Variants in ADSL observed in about 807,000 individuals in gnomAD.
ADSL encodes adenylosuccinase.
Under a neutral mutation model 62.1 loss-of-function variants are expected in ADSL, and 44 were observed. The observed-to-expected ratio is 0.71, with a 90% confidence interval of 0.56 to 0.91. The LOEUF is 0.91. Among genes scored for constraint, ADSL ranks in the 40% least tolerant of loss-of-function variants. The pLI, the probability that ADSL is intolerant of heterozygous loss-of-function variation, is 0.00. For missense variants in ADSL, 531 were observed against 627.4 expected, an observed-to-expected ratio of 0.85 and a Z score of 1.64; for synonymous variants, 198 against 220.5, an observed-to-expected ratio of 0.90 and a Z score of 0.90.
At chr22:40,356,215 AAAAG>A (rs752432201) in intron 4 of ADSL, among the ~76,000 whole-genome samples, 13 of 145,816 alleles carry the variant, frequency 8.9e-5, no homozygotes, top group Non-Finnish European at 1.6e-4. Context: ...AAAAAAAAAG[AAAAG>A]AAAGAAAGAA....
intron 9 of ADSL, among the ~76,000 whole-genome samples, chr22:40,362,286 T>G (rs1395358090): frequency 6.6e-6 from 1 of 152,226 alleles, no homozygotes; most frequent in Non-Finnish European, 1.5e-5. Context: ...TGGATACGGA[T>G]GTATAGTTAA....
chr22:40,368,066 T>C lies in ADSL; in HGVS notation c.*1544T>C, dbSNP rs751157422. On this transcript the variant is annotated 3_prime_UTR_variant, in exon 13 of 13. Coordinates refer to ENST00000623063, the MANE Select transcript of ADSL (RefSeq NM_000026.4). ...GGAGAGCCAACCTCCAAAAAGATCTTGTGGTGGAGGAATGTTAGGGCTCTT... is the reference window on the plus strand; with the variant it reads ...GGAGAGCCAACCTCCAAAAAGATCTCGTGGTGGAGGAATGTTAGGGCTCTT... 6.6e-6 allele frequency: 1 copy of C among 152,200 alleles called. No homozygotes were observed. The highest frequency in any genetic ancestry group is 2.4e-5 in the African/African-American group (1 of 41,442). 9.4% of individuals were successfully genotyped at this position (152,200 alleles called of 1,614,324 possible). A position where few individuals can be genotyped will look rare whatever the true frequency, so the allele number is the denominator to read the frequency against.
chr22:40,362,613 T>C (rs1384523973), intron 9 of ADSL, among the ~76,000 whole-genome samples: 1 of 151,444 alleles, frequency 6.6e-6, no homozygotes, highest in Non-Finnish European at 1.5e-5. Flanking sequence ...TTGACCGGAG[T>C]GAGTATAAAG....
downstream of ADSL, among the ~76,000 whole-genome samples, chr22:40,372,293 AT>A (rs1283497486): frequency 6.6e-6 from 1 of 151,268 alleles, no homozygotes; most frequent in East Asian, 2.0e-4. Context: ...CACCCGGATA[AT>A]TTTTTGTATT....
chr22:40,384,269 A>T (rs1421760261), intron 2 of ADSL, among the ~76,000 whole-genome samples: 1 of 152,166 alleles, frequency 6.6e-6, no homozygotes, highest in Non-Finnish European at 1.5e-5. Flanking sequence ...GACAAAAAAA[A>T]AGGAGCCAAA....
At chr22:40,357,228 T>C (rs2044598033) in intron 4 of ADSL, among the ~76,000 whole-genome samples, 1 of 151,014 alleles carries the variant, frequency 6.6e-6, no homozygotes, top group African/African-American at 2.4e-5. Context: ...GAAACAGACC[T>C]TCAGTGGCTT....
intron 6 of ADSL, among the ~76,000 whole-genome samples, chr22:40,359,799 A>G (rs578139931): frequency 2.0e-5 from 3 of 152,176 alleles, no homozygotes; most frequent in Non-Finnish European, 4.4e-5. Context: ...TCAAAGTGCT[A>G]GGATTATAGG....
intron 5 of ADSL, 86 bp from the exon 6 acceptor site, chr22:40,359,174 G>T: frequency 6.3e-7 from 1 of 1,583,176 alleles, no homozygotes; most frequent in South Asian, 1.1e-5. Context: ...GGGGGTTAGG[G>T]AGCGAGACCT....
At position 40,380,385 on chromosome 22, in the gene ADSL, G is replaced by A. The variant is rs568548978; in HGVS notation, c.90-9845G>A. 2.6e-3 allele frequency among the ~76,000 whole-genome samples: 266 copies of A among 102,474 alleles called. 1 individual carries two copies. The highest frequency in any genetic ancestry group is 4.9e-3 in the Admixed American group (42 of 8,588). 67.2% of individuals were successfully genotyped at this position (102,474 alleles called of 152,430 possible). The stretch of plus-strand genomic sequence containing the variant: ...TATAATTTTTTTTTTTTTTTTTCCT[G>A]AGACAGGGTCTCACTCTGTCACCCA... On this transcript the variant is annotated intron_variant, in intron 2 of 2. Coordinates refer to the ADSL transcript ENST00000498234.
rs570622347 is a variant in ADSL, at chr22:40,368,904, A to G, written c.*2382A>G. ...ATGCCACTGTACTCCAGCCTGGGCAACGGAGCGAGACTCCATCTGAAAAAA... is the reference window on the plus strand; with the variant it reads ...ATGCCACTGTACTCCAGCCTGGGCAGCGGAGCGAGACTCCATCTGAAAAAA... On this transcript the variant is annotated 3_prime_UTR_variant, in exon 13 of 13. Transcript: ENST00000623063. The G allele has an allele frequency of 6.6e-5, 10 of 152,384 alleles. No homozygotes were observed. The highest frequency in any genetic ancestry group is 2.4e-4 in the African/African-American group (10 of 41,580). 9.4% of individuals were successfully genotyped at this position (152,384 alleles called of 1,614,324 possible). A position where few individuals can be genotyped will look rare whatever the true frequency, so the allele number is the denominator to read the frequency against.
intron 1 of ADSL, chr22:40,348,542 G>A (rs927780646): frequency 2.0e-4 from 81 of 398,464 alleles, no homozygotes; most frequent in African/African-American, 1.3e-3. Flanking sequence ...CACCACGCCC[G>A]GCAAATTTTT....
intron 1 of ADSL, among the ~76,000 whole-genome samples, chr22:40,347,976 C>T (rs2735672): frequency 6.6e-6 from 1 of 152,140 alleles, no homozygotes; most frequent in Admixed American, 6.5e-5. Flanking sequence ...TTGCCAGGGT[C>T]GCCAAAGCTA....
At chr22:40,353,489 G>T (rs1212154614) in intron 3 of ADSL, 8 of 686,802 alleles carry the variant, frequency 1.2e-5, no homozygotes, top group Non-Finnish European at 2.1e-5. Context: ...TTGCCATGTT[G>T]CCCAGGCTGG....
At chr22:40,369,698 TCTCA>T (rs1416904611), downstream of ADSL, among the ~76,000 whole-genome samples, 5 of 151,912 alleles carry the variant, frequency 3.3e-5, no homozygotes, top group African/African-American at 1.2e-4. Context: ...AGAGACAGGG[TCTCA>T]CTCTGTTAAC....
At chr22:40,359,185 G>A (rs2044676054) in intron 5 of ADSL, 75 bp from the exon 6 acceptor site, 5 of 1,590,626 alleles carry the variant, frequency 3.1e-6, no homozygotes, top group Middle Eastern at 3.3e-4. Context: ...AGCGAGACCT[G>A]GGTAGGATGA....
At chr22:40,361,189 C>A in intron 7 of ADSL, 84 bp from the exon 8 acceptor site, 2 of 1,309,536 alleles carry the variant, frequency 1.5e-6, no homozygotes, top group Non-Finnish European at 1.1e-6. Context: ...AAGAGCTCAT[C>A]TCCTTCATCA....
rs2044788378 is a variant in ADSL at position 40,361,497 on chromosome 22, C to T, written c.872C>T (p.Ala291Val). 4 of 1,614,042 alleles carry T rather than the reference C, an allele frequency of 2.5e-6. No individual in the cohort carries two copies. Among genetic ancestry groups the T allele is most frequent in the South Asian group, 2.2e-5 (2 of 91,092 alleles). ...PFEKQQIGSS[A>V]MPYKRNPMRS... The stretch of plus-strand genomic sequence containing the variant: ...TTTTTTACATGGGCAGGCTCAAGTG[C>T]GATGCCATATAAGCGGAATCCCATG... Residue 291 changes from alanine to valine, a missense_variant, in exon 9 of 13, where the codon GCG (alanine) becomes GTG (valine). Ala to Val is a moderately conservative substitution (Grantham distance 64, BLOSUM62 0). This residue lies in a region of ADSL where 471 missense variants were observed against 592.9 expected (regional missense o/e 0.79). Transcript: ENST00000623063.
At chr22:40,355,818 G>A (rs911805061) in intron 4 of ADSL, among the ~76,000 whole-genome samples, 1 of 152,120 alleles carries the variant, frequency 6.6e-6, no homozygotes, top group African/African-American at 2.4e-5. Context: ...GTTACGCCTT[G>A]ATGTTCCTAG....
At chr22:40,352,359 TC>T (rs1479867115) in intron 2 of ADSL, among the ~76,000 whole-genome samples, 15 of 152,106 alleles carry the variant, frequency 9.9e-5, no homozygotes, top group African/African-American at 3.1e-4. Context: ...AAACCCTGTC[TC>T]TACTAAAAAT....
Sources: allele counts gnomAD v4.1 joint callset (sites outside exome capture counted in the v4.1 genomes callset), GRCh38; gene constraint gnomAD v4.1.1; regional missense constraint gnomAD v4.1.1; transcripts MANE v1.5; gene names NCBI Gene and HGNC (gene_info 2026-07-23, HGNC 2026-07-21).